PPARGC1A: variants seen among roughly 807,000 people sequenced by gnomAD.
PPARGC1A encodes peroxisome proliferator-activated receptor gamma coactivator 1-alpha.
Under a neutral mutation model 88.7 loss-of-function variants are expected in PPARGC1A, and 25 were observed. That is an observed-to-expected ratio of 0.28 (90% CI 0.21 to 0.39). The LOEUF is 0.39. Among genes scored for constraint, PPARGC1A ranks in the 10% least tolerant of loss-of-function variants. PPARGC1A has a pLI of 1.00. For synonymous variants in PPARGC1A, 363 were observed against 355.6 expected, an observed-to-expected ratio of 1.02 and a Z score of -0.24; for missense variants, 880 against 968.7, an observed-to-expected ratio of 0.91 and a Z score of 1.22.
the PPARGC1A span, among the ~76,000 whole-genome samples, chr4:24,429,262 T>C: frequency 1.3e-5 from 2 of 150,184 alleles, no homozygotes; most frequent in African/African-American, 4.9e-5. Context: ...TCTCTCTCCC[T>C]CTGTTTCACA....
chr4:24,093,073 C>A, the PPARGC1A span, among the ~76,000 whole-genome samples: 4 of 152,336 alleles, frequency 2.6e-5, no homozygotes, highest in South Asian at 4.1e-4. Flanking sequence ...GAGTGCTTTA[C>A]TAACCTTGTC....
chr4:24,416,256 A>G, the PPARGC1A span, among the ~76,000 whole-genome samples: 1 of 152,226 alleles, frequency 6.6e-6, no homozygotes, highest in Non-Finnish European at 1.5e-5. Context: ...AGGTAGCTTA[A>G]GGTCAAATTA....
At chr4:23,899,858 A>T (rs1022683490), upstream of PPARGC1A, among the ~76,000 whole-genome samples, 1 of 152,192 alleles carries the variant, frequency 6.6e-6, no homozygotes, top group Non-Finnish European at 1.5e-5. Context: ...TGCTGGTTAC[A>T]TGGGTACATT....
At chr4:24,055,325 G>T in the PPARGC1A span, among the ~76,000 whole-genome samples, 1 of 152,182 alleles carries the variant, frequency 6.6e-6, no homozygotes, top group African/African-American at 2.4e-5. Context: ...TCAAGAAGTA[G>T]TGGTGAATTA....
chr4:24,102,261 A>G, the PPARGC1A span, among the ~76,000 whole-genome samples: 2 of 152,238 alleles, frequency 1.3e-5, no homozygotes, highest in Admixed American at 6.5e-5. Context: ...AGGACAGGGA[A>G]CAATTCATGG....
chr4:23,940,270 T>C, the PPARGC1A span, among the ~76,000 whole-genome samples: 13 of 152,156 alleles, frequency 8.5e-5, no homozygotes, highest in Non-Finnish European at 1.9e-4. Flanking sequence ...TGCAGAAATA[T>C]CTGCAGCAAT....
chr4:23,857,410 G>A (rs542073067), intron 2 of PPARGC1A, among the ~76,000 whole-genome samples: 13 of 147,400 alleles, frequency 8.8e-5, no homozygotes, highest in Non-Finnish European at 1.9e-4. Context: ...TAGATTTTAT[G>A]TACTAAATAG....
chr4:23,895,881 T>C lies in PPARGC1A; in HGVS notation n.52+3386A>G, dbSNP rs376098237. On this transcript the variant is annotated intron_variant and non_coding_transcript_variant, in intron 1 of 3. Coordinates refer to the PPARGC1A transcript ENST00000507342. ...CGACATTATTTGCATTATTGAAAAC[T>C]TGAATGCAATGTGAATATCCAACAT... Among the ~76,000 whole-genome samples, 6 of 151,844 alleles carry C rather than the reference T, an allele frequency of 4.0e-5. No individual in the cohort carries two copies. The East Asian group carries it at 9.7e-4, about 25-fold the overall frequency.
the PPARGC1A span, among the ~76,000 whole-genome samples, chr4:23,959,273 C>G: frequency 6.6e-6 from 1 of 152,100 alleles, no homozygotes; most frequent in Non-Finnish European, 1.5e-5. Flanking sequence ...AAGTGAACAC[C>G]TGGTCAGATA....
At chr4:23,802,648 G>C (rs904900157) in intron 10 of PPARGC1A, among the ~76,000 whole-genome samples, 8 of 131,904 alleles carry the variant, frequency 6.1e-5, no homozygotes, top group Non-Finnish European at 9.2e-5. Flanking sequence ...CTGCACTTCA[G>C]CATGGGCGAG....
At chr4:24,375,312 A>G in the PPARGC1A span, among the ~76,000 whole-genome samples, 1 of 152,178 alleles carries the variant, frequency 6.6e-6, no homozygotes. Flanking sequence ...AATCTGCTCA[A>G]AGTCCGATTT....
the PPARGC1A span, among the ~76,000 whole-genome samples, chr4:24,346,421 T>G: frequency 6.6e-6 from 1 of 152,162 alleles, no homozygotes; most frequent in African/African-American, 2.4e-5. Context: ...GGACTTTTTT[T>G]GTTAGTAAAT....
At chr4:24,193,971 A>C in the PPARGC1A span, among the ~76,000 whole-genome samples, 1 of 152,160 alleles carries the variant, frequency 6.6e-6, no homozygotes, top group Non-Finnish European at 1.5e-5. Context: ...TCTACTAAAA[A>C]TACAAAAATT....
At chr4:24,290,702 C>T in the PPARGC1A span, among the ~76,000 whole-genome samples, 1 of 151,964 alleles carries the variant, frequency 6.6e-6, no homozygotes, top group African/African-American at 2.4e-5. Flanking sequence ...TGATGCTTGG[C>T]ACATAGTAGG....
At chr4:24,370,178 G>A in the PPARGC1A span, among the ~76,000 whole-genome samples, 1 of 152,074 alleles carries the variant, frequency 6.6e-6, no homozygotes, top group Non-Finnish European at 1.5e-5. Flanking sequence ...TATAGCAAGT[G>A]ATACTGGTTT....
the PPARGC1A span, among the ~76,000 whole-genome samples, chr4:24,289,084 G>C: frequency 6.6e-6 from 1 of 152,104 alleles, no homozygotes; most frequent in African/African-American, 2.4e-5. Flanking sequence ...GCTGGGCGTA[G>C]TGGTGTCTGC....
At chr4:23,970,039 C>A in the PPARGC1A span, among the ~76,000 whole-genome samples, 4 of 152,152 alleles carry the variant, frequency 2.6e-5, no homozygotes, top group Non-Finnish European at 4.4e-5. Flanking sequence ...TACTGATTCC[C>A]ATAAGCATTC....
the PPARGC1A span, among the ~76,000 whole-genome samples, chr4:24,088,180 T>A: frequency 6.6e-6 from 1 of 151,674 alleles, no homozygotes; most frequent in Non-Finnish European, 1.5e-5. Context: ...GAGATCCCAA[T>A]ATACAACAAA....
intron 2 of PPARGC1A, among the ~76,000 whole-genome samples, chr4:23,877,266 CA>C (rs1447401103): frequency 6.7e-6 from 1 of 149,848 alleles, no homozygotes; most frequent in Non-Finnish European, 1.5e-5. Flanking sequence ...CCTGTAATCC[CA>C]GCATTTTGGG....
Sources: allele counts gnomAD v4.1 joint callset (sites outside exome capture counted in the v4.1 genomes callset), GRCh38; gene constraint gnomAD v4.1.1; transcripts MANE v1.5; gene names NCBI Gene and HGNC (gene_info 2026-07-23, HGNC 2026-07-21).